ZDHHC11: variants seen among roughly 807,000 people sequenced by gnomAD.
ZDHHC11 encodes the protein palmitoyltransferase ZDHHC11.
Under a neutral mutation model 51.3 loss-of-function variants are expected in ZDHHC11, and 44 were observed. The ratio of observed to expected loss-of-function variants is 0.86; its 90% CI spans 0.67 to 1.10. The LOEUF (loss-of-function observed/expected upper bound fraction) is 1.10. Among genes scored for constraint, ZDHHC11 ranks in the 50% least tolerant of loss-of-function variants. The pLI is 0.00. For synonymous variants in ZDHHC11, 163 were observed against 222.0 expected (o/e 0.73, Z 2.36); for missense variants, 400 against 537.7 (o/e 0.74, Z 2.53).
At chr5:824,892 C>T (rs1377994318) in intron 8 of ZDHHC11, among the ~76,000 whole-genome samples, 1 of 151,588 alleles carries the variant, frequency 6.6e-6, no homozygotes, top group African/African-American at 2.4e-5. Flanking sequence ...GGGCATCTGC[C>T]CATCACCACA....
intron 3 of ZDHHC11, among the ~76,000 whole-genome samples, chr5:844,097 G>A (rs1410586034): frequency 6.6e-6 from 1 of 151,948 alleles, no homozygotes; most frequent in Non-Finnish European, 1.5e-5. Context: ...GGTCAGTGTG[G>A]GCGTCCACTT....
chr5:846,126 G>A (rs1010812950), intron 3 of ZDHHC11, among the ~76,000 whole-genome samples: 7 of 150,540 alleles, frequency 4.6e-5, no homozygotes, highest in East Asian at 1.9e-4. Flanking sequence ...GGGTCTCCCC[G>A]GCCCCTACCA....
intron 6 of ZDHHC11, among the ~76,000 whole-genome samples, chr5:834,062 T>C (rs1435537549): frequency 4.6e-5 from 7 of 152,288 alleles, no homozygotes; most frequent in Admixed American, 1.3e-4. Flanking sequence ...TGCTTTCCAG[T>C]GTGGTGGCAC....
At chr5:809,014 C>CACACACACACATACACACAT (rs1554050773) in intron 11 of ZDHHC11, among the ~76,000 whole-genome samples, 1 of 139,026 alleles carries the variant, frequency 7.2e-6, no homozygotes, top group Admixed American at 7.2e-5. Context: ...CACACACACA[C>CACACACACACATACACACAT]GCACACTATT....
intron 4 of ZDHHC11, chr5:841,165 T>G (rs1744841612): frequency 1.9e-6 from 2 of 1,032,010 alleles, no homozygotes; most frequent in Non-Finnish European, 2.3e-6. Flanking sequence ...TGCCCACCCC[T>G]TCCTAAGTGC....
At chr5:800,809 C>A (rs1441093998) in intron 12 of ZDHHC11, among the ~76,000 whole-genome samples, 1 of 151,218 alleles carries the variant, frequency 6.6e-6, no homozygotes, top group African/African-American at 2.4e-5. Flanking sequence ...GAAAATAATT[C>A]TTAGTTTAGA....
chr5:814,866 A>C lies in ZDHHC11; in HGVS notation c.1147-71T>G. The stretch of plus-strand genomic sequence containing the variant: ...TGTTGACATTAAACTTATTCTTAAA[A>C]TTCAAGTTCATTACTAGTCAGTTCT... On this transcript the variant is annotated intron_variant, in intron 10 of 12. Transcript: ENST00000283441. 21 of 1,397,340 alleles carry C rather than the reference A, an allele frequency of 1.5e-5. 1 individual carries two copies. Among genetic ancestry groups the C allele is most frequent in the Non-Finnish European group, 2.0e-5 (21 of 1,044,476 alleles). The allele number at this position is 1,397,340 out of a possible 1,614,324, so 86.6% of individuals were successfully genotyped here.
chr5:829,054 CACAA>C (rs1337516008), intron 7 of ZDHHC11, among the ~76,000 whole-genome samples: 19 of 132,548 alleles, frequency 1.4e-4, no homozygotes, highest in East Asian at 2.0e-4. Context: ...ACTGAAAGAG[CACAA>C]ACAGACAATC....
chr5:837,521 T>G (rs1464123200), intron 5 of ZDHHC11, 41 bp from the exon 6 acceptor site: 1 of 1,597,258 alleles, frequency 6.3e-7, no homozygotes, highest in Non-Finnish European at 8.6e-7. Flanking sequence ...ATACCAGCCC[T>G]GCGGCTTTGC....
Position 818,207 on chromosome 5 carries a change from A to G in ZDHHC11, c.1146+1318T>C, listed in dbSNP as rs1411067761. 2.6e-5 allele frequency among the ~76,000 whole-genome samples: 4 copies of G among 151,128 alleles called. 1 individual carries two copies. The highest frequency in any genetic ancestry group is 5.9e-5 in the Non-Finnish European group (4 of 67,518). ...TGCAGAGAGACCGAGGGGACTCACA[A>G]TTGCACCCCGGCAGCAGGTGTGCAT... On this transcript the variant is annotated intron_variant, in intron 10 of 12. Coordinates refer to ENST00000283441, the MANE Select transcript of ZDHHC11 (RefSeq NM_024786.3).
At chr5:853,011 CATGGAGGA>C (rs1747512146), upstream of ZDHHC11, among the ~76,000 whole-genome samples, 1 of 149,584 alleles carries the variant, frequency 6.7e-6, no homozygotes, top group Non-Finnish European at 1.5e-5. Context: ...GGACAGACCC[CATGGAGGA>C]CAGCGAGCAG....
At chr5:860,488 T>G (rs1748737950), upstream of ZDHHC11, among the ~76,000 whole-genome samples, 1 of 151,638 alleles carries the variant, frequency 6.6e-6, no homozygotes, top group Non-Finnish European at 1.5e-5. This position sits in a 1 kb window ranked among gnomAD's most constrained non-coding sequence, Gnocchi z 4.2. Flanking sequence ...CTGCACACCC[T>G]CCTCCACCAC....
intron 1 of ZDHHC11, chr5:849,824 CAG>C (rs1746864954): frequency 6.5e-6 from 1 of 153,866 alleles, no homozygotes; most frequent in African/African-American, 2.4e-5. Flanking sequence ...GGGACAAACA[CAG>C]ACTCTCCATG....
At chr5:820,582 G>C (rs1286800352) in intron 9 of ZDHHC11, among the ~76,000 whole-genome samples, 1 of 151,170 alleles carries the variant, frequency 6.6e-6, no homozygotes. Context: ...CACACCTGGG[G>C]AAGGGGGGCT....
intron 1 of ZDHHC11, among the ~76,000 whole-genome samples, chr5:858,107 C>T (rs147336749): frequency 0.023 from 3,346 of 143,878 alleles, 123 homozygotes; most frequent in African/African-American, 0.083. Flanking sequence ...TAGAGTCTGT[C>T]CTGGTCCCCG....
At chr5:844,082 T>G (rs1745680959) in intron 3 of ZDHHC11, among the ~76,000 whole-genome samples, 1 of 150,932 alleles carries the variant, frequency 6.6e-6, no homozygotes, top group African/African-American at 2.5e-5. Flanking sequence ...AGGGTGGAGG[T>G]GACAGGTCAG....
At chr5:835,860 T>C (rs1418127260) in intron 6 of ZDHHC11, among the ~76,000 whole-genome samples, 1 of 151,910 alleles carries the variant, frequency 6.6e-6, no homozygotes, top group Non-Finnish European at 1.5e-5. Flanking sequence ...AAGGAAGTTT[T>C]AAAAATATAA....
chr5:823,983 C>G, intron 8 of ZDHHC11: 3 of 444,984 alleles, frequency 6.7e-6, no homozygotes, highest in South Asian at 4.8e-5. Context: ...AGGCAAGGGG[C>G]AAGGCTTGGA....
rs1192925404 is a variant in ZDHHC11, at chr5:838,341, G to A, written c.785-861C>T. On this transcript the variant is annotated intron_variant, in intron 5 of 12. Coordinates refer to ENST00000283441, the MANE Select transcript of ZDHHC11 (RefSeq NM_024786.3). ...TATTTCAGCCACGAGCTTCCATGGA[G>A]GGGCCAAACTCTCCATGCTTCTTTC... Among the ~76,000 whole-genome samples, 3 of 152,184 alleles carry A rather than the reference G, an allele frequency of 2.0e-5. No homozygotes were observed. In the East Asian group the frequency reaches 5.8e-4, roughly 29 times the overall value.
Sources: allele counts gnomAD v4.1 joint callset (sites outside exome capture counted in the v4.1 genomes callset), GRCh38; gene constraint gnomAD v4.1.1; non-coding constraint Gnocchi (gnomAD v3.1); transcripts MANE v1.5; gene names NCBI Gene and HGNC (gene_info 2026-07-23, HGNC 2026-07-21).